The following KHDRBS2 variants were observed in gnomAD, a reference collection of about 807,000 sequenced individuals.
The protein encoded by KHDRBS2 is KH domain-containing, RNA-binding, signal transduction-associated protein 2.
A neutral mutation model predicts 44.3 loss-of-function variants in KHDRBS2; 26 were observed. The observed-to-expected ratio is 0.59, with a 90% CI of 0.43 to 0.81. The LOEUF is 0.81. KHDRBS2 is among the 40% of genes least tolerant of loss of function. KHDRBS2 has a pLI of 0.00. For synonymous variants in KHDRBS2, 194 were observed against 151.1 expected (o/e 1.28, Z -2.08); for missense variants, 476 against 433.1 (o/e 1.10, Z -0.88).
Position 62,047,964 on chromosome 6 carries a change from T to C in KHDRBS2, c.250A>G (p.Arg84Gly). ...FNFVGKLLGP[R>G]GNSLKRLQEE... is the part of the protein sequence containing the mutation. ...TGTAGCCTCTTCAAGGAGTTTCCTC[T>C]TGGTCCAAGCAATTTCCCCACAAAA... The change falls in exon 3 of 9, where the codon AGA becomes GGA. Residue 84 changes from arginine to glycine, a missense_variant. Physicochemically the swap from Arg to Gly is moderately radical, Grantham distance 125. Coordinates refer to ENST00000281156, the MANE Select transcript of KHDRBS2 (RefSeq NM_152688.4). 6.2e-7 allele frequency: 1 copy of C among 1,610,552 alleles called. No individual in the cohort carries two copies. The highest frequency in any genetic ancestry group is 8.5e-7 in the Non-Finnish European group (1 of 1,177,126).
At chr6:61,776,737 T>G (rs1351683197) in intron 6 of KHDRBS2, among the ~76,000 whole-genome samples, 10 of 152,308 alleles carry the variant, frequency 6.6e-5, no homozygotes, top group Non-Finnish European at 1.2e-4. Flanking sequence ...TGGCGATTTC[T>G]CAGGGATATA....
chr6:61,997,739 G>A (rs2127255757), intron 3 of KHDRBS2, among the ~76,000 whole-genome samples: 1 of 152,278 alleles, frequency 6.6e-6, no homozygotes, highest in South Asian at 2.1e-4. Context: ...TCTGGAGAAT[G>A]TTCTCTCAAG....
At chr6:62,135,318 T>C (rs1811270803) in intron 2 of KHDRBS2, among the ~76,000 whole-genome samples, 1 of 152,168 alleles carries the variant, frequency 6.6e-6, no homozygotes, top group Admixed American at 6.5e-5. Context: ...CCTTTTGCCT[T>C]CCGCAATGTG....
At chr6:62,211,131 T>C (rs1828973285) in intron 1 of KHDRBS2, among the ~76,000 whole-genome samples, 1 of 152,104 alleles carries the variant, frequency 6.6e-6, no homozygotes, top group African/African-American at 2.4e-5. Flanking sequence ...AGCATTTAAA[T>C]TCCTGTAATT....
intron 3 of KHDRBS2, among the ~76,000 whole-genome samples, chr6:61,982,692 C>G (rs1362079451): frequency 6.9e-6 from 1 of 144,792 alleles, no homozygotes; most frequent in African/African-American, 2.5e-5. Flanking sequence ...AAAAAAAGAA[C>G]ATACCACAAG....
rs1420585922 is a variant in KHDRBS2 at position 62,086,524 on chromosome 6, G to C, written c.220-38530C>G. On this transcript the variant is annotated intron_variant, in intron 2 of 8. Transcript: ENST00000281156. ...GGTGGCATAGTGTTGAAATCTCCTG[G>C]AATGCTCTCATAAATACAAACTGAG... is the stretch of plus-strand genomic sequence containing the variant. Among the ~76,000 whole-genome samples, 9 of 152,168 alleles carry C rather than the reference G, an allele frequency of 5.9e-5. No individual in the cohort carries two copies. In the South Asian group the frequency reaches 1.9e-3, roughly 31 times the overall value.
At chr6:61,744,955 T>C (rs539106002) in intron 6 of KHDRBS2, among the ~76,000 whole-genome samples, 1 of 152,284 alleles carries the variant, frequency 6.6e-6, no homozygotes, top group East Asian at 1.9e-4. Flanking sequence ...TTGGGAAGAA[T>C]GACTGAACAT....
intron 1 of KHDRBS2, among the ~76,000 whole-genome samples, chr6:62,183,856 T>C (rs569170653): frequency 2.0e-4 from 31 of 151,810 alleles, no homozygotes; most frequent in African/African-American, 6.7e-4. Context: ...ACCTAACTTT[T>C]CTTTACGAAT....
intron 2 of KHDRBS2, among the ~76,000 whole-genome samples, chr6:62,106,853 C>A (rs1367912925): frequency 6.6e-6 from 1 of 152,090 alleles, no homozygotes; most frequent in South Asian, 2.1e-4. Context: ...ACATGATTAT[C>A]TCAATAGATG....
chr6:62,072,435 G>A (rs1028422515), intron 2 of KHDRBS2, among the ~76,000 whole-genome samples: 1 of 152,258 alleles, frequency 6.6e-6, no homozygotes, highest in South Asian at 2.1e-4. Flanking sequence ...CAAAGGGAAT[G>A]TTTCCAATTT....
In KHDRBS2 at chr6:62,169,138, CAT is replaced by C. The variant is rs568264309; in HGVS notation, c.219+8045_219+8046del. On this transcript the variant is annotated intron_variant, in intron 2 of 8. Transcript: ENST00000281156. ...ATGTGTGTATATATACATATACACACATATATGTGTGTATATATACGTACACA... is the reference window on the plus strand; with the variant it reads ...ATGTGTGTATATATACATATACACACATATGTGTGTATATATACGTACACA... Among the ~76,000 whole-genome samples, 412 of 77,252 alleles carry C rather than the reference CAT, an allele frequency of 5.3e-3. 2 individuals are homozygous for C. Among genetic ancestry groups the C allele is most frequent in the Middle Eastern group, 0.022 (3 of 138 alleles). 50.7% of individuals were successfully genotyped at this position (77,252 alleles called of 152,430 possible). A position where few individuals can be genotyped will look rare whatever the true frequency, so the allele number is the denominator to read the frequency against.
At chr6:62,168,700 T>G (rs1270928354) in intron 2 of KHDRBS2, among the ~76,000 whole-genome samples, 1 of 152,114 alleles carries the variant, frequency 6.6e-6, no homozygotes, top group Non-Finnish European at 1.5e-5. Flanking sequence ...TATGTGTTTA[T>G]TCTTTTGGTA....
At chr6:61,589,676 C>A in the KHDRBS2 span, among the ~76,000 whole-genome samples, 3 of 152,126 alleles carry the variant, frequency 2.0e-5, no homozygotes, top group African/African-American at 7.2e-5. Context: ...GACTCCCAGT[C>A]CCACCAGTGG....
intron 3 of KHDRBS2, among the ~76,000 whole-genome samples, chr6:62,013,184 T>G (rs1263059520): frequency 6.6e-6 from 1 of 152,166 alleles, no homozygotes; most frequent in African/African-American, 2.4e-5. Flanking sequence ...TTTAATCAGT[T>G]GGAAAGTTAT....
the KHDRBS2 span, among the ~76,000 whole-genome samples, chr6:61,664,004 G>C: frequency 4.6e-5 from 7 of 151,766 alleles, no homozygotes; most frequent in Non-Finnish European, 7.4e-5. Context: ...CCTTGTAATT[G>C]AAAATCAAAA....
the KHDRBS2 span, among the ~76,000 whole-genome samples, chr6:61,643,356 T>G: frequency 6.6e-6 from 1 of 152,162 alleles, no homozygotes; most frequent in South Asian, 2.1e-4. Flanking sequence ...GCTGACATCA[T>G]ACAGAATGGG....
intron 2 of KHDRBS2, among the ~76,000 whole-genome samples, chr6:62,120,128 T>C (rs1030263745): frequency 2.0e-5 from 3 of 152,246 alleles, no homozygotes; most frequent in African/African-American, 7.2e-5. Flanking sequence ...ATGTTGCAAC[T>C]CATGGAGTTA....
chr6:62,031,536 A>T (rs1217239471), intron 3 of KHDRBS2, among the ~76,000 whole-genome samples: 1 of 152,094 alleles, frequency 6.6e-6, no homozygotes, highest in East Asian at 1.9e-4. Context: ...GTCCCAGGCC[A>T]GGAAGCATTC....
chr6:62,223,404 C>G (rs1042326099), intron 1 of KHDRBS2, among the ~76,000 whole-genome samples: 3 of 152,208 alleles, frequency 2.0e-5, no homozygotes, highest in Non-Finnish European at 2.9e-5. Flanking sequence ...TCATTTTCTC[C>G]TAGGCCTCTG....
Sources: allele counts gnomAD v4.1 joint callset (sites outside exome capture counted in the v4.1 genomes callset), GRCh38; gene constraint gnomAD v4.1.1; transcripts MANE v1.5; gene names NCBI Gene and HGNC (gene_info 2026-07-23, HGNC 2026-07-21).